The following SDR42E1 variants were observed in gnomAD, a reference collection of about 807,000 sequenced individuals.
SDR42E1 encodes short-chain dehydrogenase/reductase family 42E member 1.
SDR42E1 carries 5 observed loss-of-function variants against 2.6 expected under a neutral mutation model. The observed-to-expected ratio is 1.94, with a 90% CI of 1.01 to 4.08. SDR42E1 has a LOEUF of 4.08. SDR42E1 is among the 30% of genes most tolerant of loss of function. SDR42E1 has a pLI of 0.00. For synonymous variants in SDR42E1, 231 were observed against 188.3 expected (o/e 1.23, Z -1.86); for missense variants, 596 against 478.6 (o/e 1.25, Z -2.29).
At chr16:82,000,413 A>T in intron 2 of SDR42E1, 189 bp from the exon 3 acceptor site, 1 of 747,138 alleles carries the variant, frequency 1.3e-6, no homozygotes, top group Non-Finnish European at 2.3e-6. Flanking sequence ...GAATCCTCTC[A>T]TCTACTTAAA....
chr16:82,004,832 A>G (rs769687653), intron 1 of SDR42E1, among the ~76,000 whole-genome samples: 41 of 152,316 alleles, frequency 2.7e-4, no homozygotes, highest in Admixed American at 1.6e-3. Context: ...ACCAGTGAGG[A>G]CAAAAGGCCA....
Position 82,000,832 on chromosome 16 carries a change from T to C in SDR42E1, c.27A>G (p.Glu9=), listed in dbSNP as rs1297148841. ...CACTTCCTCCTGTAATGAGGACACT[T>C]TCCTTTTGAGATCTTTTGGGGTCCA... MDPKRSQK[E]SVLITGGSGY... is the part of the protein sequence containing the mutation. Residue 9 remains glutamate (E), a synonymous_variant, in exon 2 of 3, where the codon GAA becomes GAG. Coordinates refer to ENST00000328945, the MANE Select transcript of SDR42E1 (RefSeq NM_145168.3). 1 of 1,613,944 alleles carries C rather than the reference T, an allele frequency of 6.2e-7. No individual in the cohort carries two copies. Among genetic ancestry groups the C allele is most frequent in the South Asian group, 1.1e-5 (1 of 91,056 alleles).
chr16:82,004,267 C>T (rs1338724098), intron 1 of SDR42E1, among the ~76,000 whole-genome samples: 1 of 151,602 alleles, frequency 6.6e-6, no homozygotes, highest in African/African-American at 2.4e-5. Flanking sequence ...TGAGCTTTAG[C>T]ACTACAGGGC....
In SDR42E1 at chr16:81,999,645, G is replaced by A. The variant is rs1186865627; in HGVS notation, c.648C>T (p.Pro216=). ...KGLFKFVYGD[P]RSLVEFVHVD... is the part of the protein sequence containing the mutation. ...CGTGGACAAACTCAACCAGGCTCCT[G>A]GGGTCCCCGTAGACAAACTTGAACA... Residue 216 remains proline, a synonymous_variant, in exon 3 of 3, where the codon CCC becomes CCT. Coordinates refer to ENST00000328945, the MANE Select transcript of SDR42E1 (RefSeq NM_145168.3). 1 of 1,614,146 alleles carries A rather than the reference G, an allele frequency of 6.2e-7. No individual in the cohort carries two copies. The highest frequency in any genetic ancestry group is 8.5e-7 in the Non-Finnish European group (1 of 1,180,010).
Position 82,000,014 on chromosome 16 carries a change from G to C in SDR42E1, c.279C>G (p.Asn93Lys), listed in dbSNP as rs1461008344. 4 of 1,614,200 alleles carry C rather than the reference G, an allele frequency of 2.5e-6. No homozygotes were observed. The highest frequency in any genetic ancestry group is 1.7e-5 in the Admixed American group (1 of 60,030). Residue 93 changes from asparagine (N) to lysine (K), a missense_variant, in exon 3 of 3, where the codon AAC (asparagine) becomes AAG (lysine). Coordinates refer to ENST00000328945, the MANE Select transcript of SDR42E1 (RefSeq NM_145168.3). ...GMSGREQLNR[N>K]LIKEVNVRGT... The stretch of plus-strand genomic sequence containing the variant: ...CCCTGACGTTGACTTCTTTGATCAG[G>C]TTTCGATTGAGTTGCTCCCGCCCTG...
Position 81,999,090 on chromosome 16 carries a change from A to C in SDR42E1, c.*21T>G, listed in dbSNP as rs1912631709. 2 of 1,602,522 alleles carry C rather than the reference A, an allele frequency of 1.2e-6. No individual in the cohort carries two copies. Among genetic ancestry groups the C allele is most frequent in the Non-Finnish European group, 8.5e-7 (1 of 1,175,160 alleles). On this transcript the variant is annotated 3_prime_UTR_variant, in exon 3 of 3. Coordinates refer to ENST00000328945, the MANE Select transcript of SDR42E1 (RefSeq NM_145168.3). ...AGAACCATCTCAGCCAACTGTGATC[A>C]CCTTATTTCTGGCCCCTCCTTCACA...
rs561041425 is a variant in SDR42E1 at position 82,000,396 on chromosome 16, A to G, written c.69-172T>C. ...CAAGCCTCGCTTCTTCAAATTTTCAAAAGTGAGAATCCTCTCATCTACTTA... is the reference window on the plus strand; with the variant it reads ...CAAGCCTCGCTTCTTCAAATTTTCAGAAGTGAGAATCCTCTCATCTACTTA... On this transcript the variant is annotated intron_variant, in intron 2 of 2. Coordinates refer to ENST00000328945, the MANE Select transcript of SDR42E1 (RefSeq NM_145168.3). The G allele has an allele frequency of 6.2e-6, 5 of 805,522 alleles. No individual in the cohort carries two copies. The East Asian group carries it at 1.1e-4, about 17-fold the overall frequency. 49.9% of individuals were successfully genotyped at this position (805,522 alleles called of 1,614,324 possible).
chr16:81,993,965 G>C lies in SDR42E1; in HGVS notation c.*5146C>G, dbSNP rs1016993395. ...TTAAATTACCCAGGGACCAAAAGAC[G>C]ACCCCCGTTTGAAAGAAAGAGGGCA... On this transcript the variant is annotated 3_prime_UTR_variant, in exon 3 of 3. Transcript: ENST00000328945. The C allele has an allele frequency of 6.6e-6, 1 of 152,062 alleles. No homozygotes were observed. The highest frequency in any genetic ancestry group is 2.4e-5 in the African/African-American group (1 of 41,394). The allele number at this position is 152,062 out of a possible 1,614,324, so 9.4% of individuals were successfully genotyped here. A position where few individuals can be genotyped will look rare whatever the true frequency, so the allele number is the denominator to read the frequency against.
At chr16:82,006,793 C>CA (rs576158567) in intron 1 of SDR42E1, among the ~76,000 whole-genome samples, 5 of 150,694 alleles carry the variant, frequency 3.3e-5, no homozygotes, top group Admixed American at 6.6e-5. Context: ...GATTCCATCT[C>CA]AAAAAAAACA....
At position 81,994,806 on chromosome 16, in the gene SDR42E1, GC is replaced by G. The variant is rs936636783; in HGVS notation, c.*4304del. Reference sequence around the variant, plus strand: ...TGGAAAGCAATACAAGGTAGAAGCAGCCCCAACAATCTACGACAAAGCAACA... The same window carrying G: ...TGGAAAGCAATACAAGGTAGAAGCAGCCCAACAATCTACGACAAAGCAACA... On this transcript the variant is annotated 3_prime_UTR_variant, in exon 3 of 3. Coordinates refer to ENST00000328945, the MANE Select transcript of SDR42E1 (RefSeq NM_145168.3). 1 of 152,194 alleles carries G rather than the reference GC, an allele frequency of 6.6e-6. No individual in the cohort carries two copies. The highest frequency in any genetic ancestry group is 2.4e-5 in the African/African-American group (1 of 41,450). The allele number at this position is 152,194 out of a possible 1,614,324, so 9.4% of individuals were successfully genotyped here.
intron 1 of SDR42E1, among the ~76,000 whole-genome samples, chr16:82,010,830 A>G (rs1192142846): frequency 6.6e-6 from 1 of 152,214 alleles, no homozygotes; most frequent in Non-Finnish European, 1.5e-5. Context: ...ACCTTGGCAA[A>G]ATAAACTTTC....
rs1467775266 is a variant in SDR42E1, at chr16:81,995,384, A to C, written c.*3727T>G. Reference sequence around the variant, plus strand: ...AGAACTAATAGAATTTCTTAACTGCAGCGTCTCCTGACCATAGAAAGGAAG... The same window carrying C: ...AGAACTAATAGAATTTCTTAACTGCCGCGTCTCCTGACCATAGAAAGGAAG... On this transcript the variant is annotated 3_prime_UTR_variant, in exon 3 of 3. Coordinates refer to ENST00000328945, the MANE Select transcript of SDR42E1 (RefSeq NM_145168.3). The C allele has an allele frequency of 1.3e-5, 2 of 152,240 alleles. No homozygotes were observed. Among genetic ancestry groups the C allele is most frequent in the Non-Finnish European group, 2.9e-5 (2 of 68,068 alleles). 9.4% of individuals were successfully genotyped at this position (152,240 alleles called of 1,614,324 possible).
In SDR42E1 at chr16:81,994,573, A is replaced by G. The variant is rs1409809034; in HGVS notation, c.*4538T>C. 3 of 152,204 alleles carry G rather than the reference A, an allele frequency of 2.0e-5. No homozygotes were observed. The highest frequency in any genetic ancestry group is 1.3e-4 in the Admixed American group (2 of 15,286). 9.4% of individuals were successfully genotyped at this position (152,204 alleles called of 1,614,324 possible). A position where few individuals can be genotyped will look rare whatever the true frequency, so the allele number is the denominator to read the frequency against. On this transcript the variant is annotated 3_prime_UTR_variant, in exon 3 of 3. Transcript: ENST00000328945. ...ATGGGGTATCATTCTCTAAAGTGAG[A>G]TATGCTGGTGAACAGCACACAACCT...
Position 81,990,821 on chromosome 16 carries a change from G to A in SDR42E1, c.*8290C>T, listed in dbSNP as rs185121626. The A allele has an allele frequency of 1.2e-3, 177 of 152,282 alleles. No individual in the cohort carries two copies. The highest frequency in any genetic ancestry group is 4.1e-3 in the African/African-American group (172 of 41,554). 9.4% of individuals were successfully genotyped at this position (152,282 alleles called of 1,614,324 possible). A position where few individuals can be genotyped will look rare whatever the true frequency, so the allele number is the denominator to read the frequency against. On this transcript the variant is annotated 3_prime_UTR_variant, in exon 3 of 3. Transcript: ENST00000328945. The stretch of plus-strand genomic sequence containing the variant: ...CTTTTCCACTTGGGCCCAAACTTAA[G>A]GTATTTGCTGTGCTCAGAGACACTT...
In SDR42E1 at chr16:81,995,748, A is replaced by C. The variant is rs1335284077; in HGVS notation, c.*3363T>G. 2 of 152,278 alleles carry C rather than the reference A, an allele frequency of 1.3e-5. No homozygotes were observed. The highest frequency in any genetic ancestry group is 4.8e-5 in the African/African-American group (2 of 41,464). The allele number at this position is 152,278 out of a possible 1,614,324, so 9.4% of individuals were successfully genotyped here. On this transcript the variant is annotated 3_prime_UTR_variant, in exon 3 of 3. Coordinates refer to ENST00000328945, the MANE Select transcript of SDR42E1 (RefSeq NM_145168.3). ...GGACAAATACTTATTGAACTCCTGC[A>C]CTGTGCCGGGCATTAGGAGTACAGC...
intron 1 of SDR42E1, 91 bp from the exon 2 acceptor site, chr16:82,000,975 G>A (rs1912739535): frequency 3.9e-6 from 3 of 769,730 alleles, no homozygotes; most frequent in Non-Finnish European, 6.3e-6. Context: ...AAGTCAATAC[G>A]CTGTAGTAGA....
intron 1 of SDR42E1, chr16:82,007,811 C>G (rs750727620): frequency 6.6e-6 from 1 of 152,204 alleles, no homozygotes; most frequent in Non-Finnish European, 1.5e-5. Context: ...AGACTTGGCT[C>G]TTCCACCAAT....
Position 82,000,359 on chromosome 16 carries a change from T to C in SDR42E1, c.69-135A>G, listed in dbSNP as rs4383138. 3 of 1,048,454 alleles carry C rather than the reference T, an allele frequency of 2.9e-6. No homozygotes were observed. The East Asian group carries it at 7.2e-5, about 25-fold the overall frequency. 64.9% of individuals were successfully genotyped at this position (1,048,454 alleles called of 1,614,324 possible). A position where few individuals can be genotyped will look rare whatever the true frequency, so the allele number is the denominator to read the frequency against. Reference sequence around the variant, plus strand: ...CTCATCCTGAGCCCCTCACTATGCATGTTCCTTGGTGCAAGCCTCGCTTCT... The same window carrying C: ...CTCATCCTGAGCCCCTCACTATGCACGTTCCTTGGTGCAAGCCTCGCTTCT... On this transcript the variant is annotated intron_variant, in intron 2 of 2. Coordinates refer to ENST00000328945, the MANE Select transcript of SDR42E1 (RefSeq NM_145168.3).
At chr16:82,000,935 TCTCC>T in intron 1 of SDR42E1, 51 bp from the exon 2 acceptor site, 1 of 1,305,056 alleles carries the variant, frequency 7.7e-7, no homozygotes, top group Non-Finnish European at 1.1e-6. Flanking sequence ...CAAACGTCAT[TCTCC>T]CTAATTTTGA....
Sources: allele counts gnomAD v4.1 joint callset (sites outside exome capture counted in the v4.1 genomes callset), GRCh38; gene constraint gnomAD v4.1.1; transcripts MANE v1.5; gene names NCBI Gene and HGNC (gene_info 2026-07-23, HGNC 2026-07-21).